Variants in FAM81A observed in about 807,000 individuals in gnomAD.
The protein encoded by FAM81A is family with sequence similarity 81 member A.
In FAM81A, 19 loss-of-function variants were observed where a neutral mutation model predicts 46.7. The observed-to-expected ratio is 0.41, with a 90% CI of 0.28 to 0.60. The LOEUF is 0.60. FAM81A is among the 20% of genes least tolerant of loss of function. The pLI, the probability that FAM81A is intolerant of heterozygous loss-of-function variation, is 0.34. For synonymous variants in FAM81A, 183 were observed against 152.9 expected (o/e 1.20, Z -1.45); for missense variants, 377 against 453.5 (o/e 0.83, Z 1.53).
upstream of FAM81A, among the ~76,000 whole-genome samples, chr15:59,433,754 C>G (rs1190781632): frequency 1.3e-5 from 2 of 152,144 alleles, no homozygotes; most frequent in Admixed American, 6.5e-5. Context: ...GTTATTAACC[C>G]AAGTTTTTAG....
At chr15:59,425,347 AG>A (rs1336542532) in intron 2 of FAM81A, among the ~76,000 whole-genome samples, 2 of 152,218 alleles carry the variant, frequency 1.3e-5, no homozygotes, top group Non-Finnish European at 2.9e-5. Context: ...TTTGAATGCA[AG>A]TCTTTGAATC....
At chr15:59,449,327 G>A (rs2081387723) in intron 1 of FAM81A, among the ~76,000 whole-genome samples, 1 of 152,080 alleles carries the variant, frequency 6.6e-6, no homozygotes, top group Non-Finnish European at 1.5e-5. Flanking sequence ...AGTTTAAGAA[G>A]TAAAAGATAT....
At chr15:59,444,639 G>A (rs2081335629) in intron 1 of FAM81A, among the ~76,000 whole-genome samples, 1 of 152,106 alleles carries the variant, frequency 6.6e-6, no homozygotes, top group South Asian at 2.1e-4. Flanking sequence ...CTCCTCTGCT[G>A]TCCTTCAGCA....
In FAM81A at chr15:59,411,337, T is replaced by C. The variant is rs1329837743; in HGVS notation, c.-78+8979T>C. Among the ~76,000 whole-genome samples the C allele has an allele frequency of 5.3e-5, 8 of 151,868 alleles. No homozygotes were observed. In the East Asian group the frequency reaches 1.5e-3, roughly 29 times the overall value. The stretch of plus-strand genomic sequence containing the variant: ...GACTGGACTCAGAGGAGAAGATGAG[T>C]ATCAATCCATAGCAGAAACAAAGAG... On this transcript the variant is annotated intron_variant, in intron 2 of 4. Transcript: ENST00000558348.
chr15:59,516,554 A>C lies in FAM81A; in HGVS notation c.787-91A>C, dbSNP rs1387336277. 2.3e-6 allele frequency: 3 copies of C among 1,293,258 alleles called. No individual in the cohort carries two copies. The East Asian group carries it at 7.2e-5, about 31-fold the overall frequency. 80.1% of individuals were successfully genotyped at this position (1,293,258 alleles called of 1,614,324 possible). A position where few individuals can be genotyped will look rare whatever the true frequency, so the allele number is the denominator to read the frequency against. On this transcript the variant is annotated intron_variant, in intron 7 of 8. Coordinates refer to ENST00000288228, the MANE Select transcript of FAM81A (RefSeq NM_152450.3). ...CAGCTGTTGCAAATCTGTTTCTTGC[A>C]GATTGTTGTTAAACGATATTATGGC...
chr15:59,487,711 A>G lies in FAM81A; in HGVS notation c.295-4560A>G, dbSNP rs527689126. 2.0e-4 allele frequency among the ~76,000 whole-genome samples: 30 copies of G among 152,246 alleles called. No individual in the cohort carries two copies. In the South Asian group the frequency reaches 6.2e-3, roughly 32 times the overall value. On this transcript the variant is annotated intron_variant, in intron 3 of 8. Transcript: ENST00000288228. Reference sequence around the variant, plus strand: ...CCTACCACAATTGAATAATGAAGAAATCCAAAACCTGAACAAACCAGTAAC... The same window carrying G: ...CCTACCACAATTGAATAATGAAGAAGTCCAAAACCTGAACAAACCAGTAAC...
At chr15:59,431,548 T>TGAGACAG (rs1424319128) in intron 2 of FAM81A, among the ~76,000 whole-genome samples, 1 of 151,792 alleles carries the variant, frequency 6.6e-6, no homozygotes, top group African/African-American at 2.4e-5. Flanking sequence ...TTTTTTTTTT[T>TGAGACAG]TGAGACAGAG....
intron 4 of FAM81A, 109 bp downstream of exon 4, chr15:59,492,498 T>C (rs1207456168): frequency 6.1e-6 from 5 of 822,054 alleles, no homozygotes; most frequent in Admixed American, 2.3e-5. Flanking sequence ...CTTGCATTCC[T>C]TTAGTACATT....
At chr15:59,445,021 AT>A (rs1370975176) in intron 1 of FAM81A, 4 of 152,228 alleles carry the variant, frequency 2.6e-5, no homozygotes, top group Non-Finnish European at 5.9e-5. Context: ...GTTGATAAAT[AT>A]CAAAAAGCCT....
At chr15:59,447,143 T>C (rs1466200454) in intron 1 of FAM81A, among the ~76,000 whole-genome samples, 1 of 152,264 alleles carries the variant, frequency 6.6e-6, no homozygotes, top group African/African-American at 2.4e-5. Flanking sequence ...TTAAAAGATA[T>C]GACTATACTA....
At chr15:59,442,618 C>CAAAAAAAAAAAAAAAAAAAAAAAAA (rs1196305104) in intron 1 of FAM81A, among the ~76,000 whole-genome samples, 1 of 76,700 alleles carries the variant, frequency 1.3e-5, no homozygotes, top group African/African-American at 4.7e-5. Context: ...CTCCGTCTCT[C>CAAAAAAAAAAAAAAAAAAAAAAAAA]AAAAAAAAAA....
At chr15:59,404,220 A>G (rs540096461) in intron 2 of FAM81A, among the ~76,000 whole-genome samples, 91 of 152,150 alleles carry the variant, frequency 6.0e-4, no homozygotes, top group African/African-American at 2.1e-3. Context: ...AAACAAACCC[A>G]TTGATTCTCA....
At chr15:59,445,150 C>A (rs1462356732) in intron 1 of FAM81A, 1 of 152,216 alleles carries the variant, frequency 6.6e-6, no homozygotes, top group Non-Finnish European at 1.5e-5. Flanking sequence ...GAACTTCAGT[C>A]TTCCTCCCTG....
At chr15:59,441,673 C>G (rs1458108642) in intron 1 of FAM81A, among the ~76,000 whole-genome samples, 2 of 152,244 alleles carry the variant, frequency 1.3e-5, no homozygotes, top group Non-Finnish European at 2.9e-5. Flanking sequence ...CTTTCCCTTC[C>G]TTGGTCCCTG....
intron 7 of FAM81A, among the ~76,000 whole-genome samples, chr15:59,515,639 T>A (rs1296716568): frequency 6.6e-6 from 1 of 152,082 alleles, no homozygotes; most frequent in African/African-American, 2.4e-5. Context: ...TCATATATGA[T>A]TTTATATATA....
intron 1 of FAM81A, among the ~76,000 whole-genome samples, chr15:59,399,543 T>G (rs1248603465): frequency 6.6e-6 from 1 of 152,074 alleles, no homozygotes; most frequent in Non-Finnish European, 1.5e-5. Context: ...TAAAATACGC[T>G]GAAGAACCCA....
chr15:59,413,099 A>T (rs184224869), intron 2 of FAM81A, among the ~76,000 whole-genome samples: 3 of 152,236 alleles, frequency 2.0e-5, no homozygotes, highest in African/African-American at 7.2e-5. Context: ...AAGGCCACTC[A>T]GGTGAAGCCC....
intron 2 of FAM81A, among the ~76,000 whole-genome samples, chr15:59,415,017 T>C (rs1397650908): frequency 2.0e-5 from 3 of 151,850 alleles, no homozygotes; most frequent in African/African-American, 7.3e-5. Context: ...GGGTTTTCAC[T>C]GTATTAGCCA....
intron 2 of FAM81A, chr15:59,402,427 C>T (rs1761800310): frequency 6.5e-6 from 1 of 152,676 alleles, no homozygotes; most frequent in African/African-American, 2.4e-5. Context: ...CGTTTAGGAA[C>T]AAGCCTCATG....
Sources: gnomAD v4.1 joint callset for allele counts (sites outside exome capture counted in the v4.1 genomes callset) on GRCh38, gnomAD v4.1.1 for gene constraint, MANE v1.5 for transcripts, NCBI Gene and HGNC (gene_info 2026-07-23, HGNC 2026-07-21) for gene names.